ASTN2: variants seen among roughly 807,000 people sequenced by gnomAD.
ASTN2 encodes astrotactin-2.
Under a neutral mutation model 139.8 loss-of-function variants are expected in ASTN2, and 54 were observed. The ratio of observed to expected loss-of-function variants is 0.39; its 90% CI spans 0.31 to 0.48. ASTN2 has a LOEUF of 0.48. Among genes scored for constraint, ASTN2 ranks in the 20% least tolerant of loss-of-function variants. The pLI, the probability that ASTN2 is intolerant of heterozygous loss-of-function variation, is 0.95. For missense variants in ASTN2, 1,565 were observed against 1,725.1 expected (o/e 0.91, Z 1.64); for synonymous variants, 756 against 719.5 (o/e 1.05, Z -0.81).
rs138448831 is a variant in ASTN2, at chr9:116,924,021, T to C, written c.1889+51187A>G. ...AAAGGGGTCCCAATCCAGAACCCAA[T>C]AGAGGGTTCTTGGATCTTGCACAAG... is the stretch of plus-strand genomic sequence containing the variant. On this transcript the variant is annotated intron_variant, in intron 10 of 22. Transcript: ENST00000313400. 2.3e-3 allele frequency among the ~76,000 whole-genome samples: 348 copies of C among 152,276 alleles called. 2 individuals carry two copies. The highest frequency in any genetic ancestry group is 0.01 in the Middle Eastern group (3 of 294).
At chr9:117,073,502 C>T (rs1334801858) in intron 5 of ASTN2, among the ~76,000 whole-genome samples, 1 of 152,206 alleles carries the variant, frequency 6.6e-6, no homozygotes, top group African/African-American at 2.4e-5. Context: ...TATTATTTAT[C>T]ACAATGGACG....
At chr9:117,337,095 T>C (rs1828911527) in intron 1 of ASTN2, among the ~76,000 whole-genome samples, 1 of 151,414 alleles carries the variant, frequency 6.6e-6, no homozygotes, top group Admixed American at 6.6e-5. Flanking sequence ...TGAAGAGGGG[T>C]TTTAAAAATA....
At chr9:116,447,067 C>A (rs1848022304) in intron 20 of ASTN2, among the ~76,000 whole-genome samples, 1 of 152,132 alleles carries the variant, frequency 6.6e-6, no homozygotes, top group Non-Finnish European at 1.5e-5. Context: ...ACCTTCCTCC[C>A]CACTCTGCTT....
At chr9:117,179,390 ATCT>A (rs1185011383) in intron 3 of ASTN2, among the ~76,000 whole-genome samples, 3 of 152,226 alleles carry the variant, frequency 2.0e-5, no homozygotes, top group African/African-American at 7.2e-5. Flanking sequence ...ATATATAGTC[ATCT>A]TGAGATAAGT....
intron 11 of ASTN2, among the ~76,000 whole-genome samples, chr9:116,860,440 TTTTTTG>T (rs1256645229): frequency 6.6e-6 from 1 of 152,178 alleles, no homozygotes; most frequent in Non-Finnish European, 1.5e-5. Context: ...GCTCTTTCAG[TTTTTTG>T]TTTTTGTTTT....
intron 20 of ASTN2, among the ~76,000 whole-genome samples, chr9:116,465,436 C>T (rs554354676): frequency 3.4e-4 from 51 of 152,212 alleles, no homozygotes; most frequent in African/African-American, 1.1e-3. Context: ...CTCTCAGAGA[C>T]GTAAGGCTTT....
intron 6 of ASTN2, among the ~76,000 whole-genome samples, chr9:117,023,831 G>A (rs7854696): frequency 0.42 from 64,179 of 152,010 alleles, 13,640 homozygotes; most frequent in East Asian, 0.56. Flanking sequence ...TGGTGAGGTT[G>A]TTTCCGGAAG....
At chr9:116,635,570 G>A (rs894144019) in intron 17 of ASTN2, among the ~76,000 whole-genome samples, 2 of 152,108 alleles carry the variant, frequency 1.3e-5, no homozygotes, top group African/African-American at 4.8e-5. Flanking sequence ...CTGCACATAT[G>A]AGAAAAAATC....
At chr9:116,436,859 C>T (rs572887884) in intron 22 of ASTN2, among the ~76,000 whole-genome samples, 1 of 151,772 alleles carries the variant, frequency 6.6e-6, no homozygotes, top group South Asian at 2.1e-4. Context: ...CACATATACA[C>T]CATGGAATAC....
intron 5 of ASTN2, among the ~76,000 whole-genome samples, chr9:117,058,724 G>A (rs1462813821): frequency 6.6e-6 from 1 of 152,170 alleles, no homozygotes; most frequent in Non-Finnish European, 1.5e-5. Context: ...AAACAGACAT[G>A]GACGCCATCC....
chr9:116,854,742 C>T lies in ASTN2; in HGVS notation c.2040+8841G>A, dbSNP rs371976168. ...TCTTGGCTCACTGCAAGCTCCGCCT[C>T]CCGGGTTCACGCCATTCTCCTGCCT... On this transcript the variant is annotated intron_variant, in intron 11 of 22. Coordinates refer to ENST00000313400, the MANE Select transcript of ASTN2 (RefSeq NM_001365068.1). 5.9e-5 allele frequency among the ~76,000 whole-genome samples: 9 copies of T among 151,514 alleles called. No homozygotes were observed. The South Asian group carries it at 1.7e-3, about 28-fold the overall frequency.
At chr9:116,961,544 A>T (rs1835875997) in intron 10 of ASTN2, among the ~76,000 whole-genome samples, 1 of 152,222 alleles carries the variant, frequency 6.6e-6, no homozygotes, top group Non-Finnish European at 1.5e-5. Context: ...AGCATATGTC[A>T]GAATGTCCTT....
At chr9:116,678,687 T>C (rs944349077) in intron 16 of ASTN2, among the ~76,000 whole-genome samples, 1 of 152,134 alleles carries the variant, frequency 6.6e-6, no homozygotes. Context: ...TAAGATTTGA[T>C]TGAAATTATT....
chr9:116,502,971 G>T (rs1159849849), intron 19 of ASTN2, among the ~76,000 whole-genome samples: 1 of 138,628 alleles, frequency 7.2e-6, no homozygotes, highest in African/African-American at 2.7e-5. Context: ...AGAAAAGAAG[G>T]GAAGGAAGGA....
At chr9:117,090,421 C>T (rs1202900479) in intron 5 of ASTN2, among the ~76,000 whole-genome samples, 2 of 152,112 alleles carry the variant, frequency 1.3e-5, no homozygotes. Context: ...GAAGTTCTAC[C>T]TGGAAATACC....
Position 117,414,356 on chromosome 9 carries a change from C to A in ASTN2, c.442+141G>T. 1 of 1,361,232 alleles carries A rather than the reference C, an allele frequency of 7.3e-7. No individual in the cohort carries two copies. Among genetic ancestry groups the A allele is most frequent in the Non-Finnish European group, 9.7e-7 (1 of 1,035,272 alleles). The allele number at this position is 1,361,232 out of a possible 1,614,324, so 84.3% of individuals were successfully genotyped here. Reference sequence around the variant, plus strand: ...GCTCGTTTCCAACCACCTGTGCGACCTCTGGGCCCCTCCTCTACCCTCTGC... The same window carrying A: ...GCTCGTTTCCAACCACCTGTGCGACATCTGGGCCCCTCCTCTACCCTCTGC... On this transcript the variant is annotated intron_variant, in intron 1 of 22. Transcript: ENST00000313400. This position sits in a 1 kb window ranked among gnomAD's most constrained non-coding sequence, Gnocchi z 4.2.
At chr9:117,200,907 C>T (rs1831689666) in intron 3 of ASTN2, among the ~76,000 whole-genome samples, 2 of 149,114 alleles carry the variant, frequency 1.3e-5, no homozygotes, top group East Asian at 2.0e-4. Flanking sequence ...CCCTCCTTTT[C>T]AATTGTTTGG....
intron 2 of ASTN2, among the ~76,000 whole-genome samples, chr9:117,265,887 A>G (rs540336897): frequency 2.6e-5 from 4 of 152,276 alleles, no homozygotes; most frequent in African/African-American, 9.6e-5. Context: ...CATAAAGAAT[A>G]GTTTATAAAG....
rs1251184486 is a variant in ASTN2 at position 116,733,640 on chromosome 9, T to G, written c.2397-117A>C. On this transcript the variant is annotated intron_variant, in intron 13 of 22. Coordinates refer to ENST00000313400, the MANE Select transcript of ASTN2 (RefSeq NM_001365068.1). ...AAGACTCATGGTGGGGTGACTTTGC[T>G]GTAATGCCTCTGGTTTCCTGAATCC... 1.1e-5 allele frequency: 15 copies of G among 1,339,268 alleles called. No homozygotes were observed. In the East Asian group the frequency reaches 3.5e-4, roughly 32 times the overall value. The allele number at this position is 1,339,268 out of a possible 1,614,324, so 83.0% of individuals were successfully genotyped here. A position where few individuals can be genotyped will look rare whatever the true frequency, so the allele number is the denominator to read the frequency against.
Sources: gnomAD v4.1 joint callset for allele counts (sites outside exome capture counted in the v4.1 genomes callset) on GRCh38, gnomAD v4.1.1 for gene constraint, Gnocchi (gnomAD v3.1) non-coding constraint, MANE v1.5 for transcripts, NCBI Gene and HGNC (gene_info 2026-07-23, HGNC 2026-07-21) for gene names.